The following GRM8 variants were observed in gnomAD, a reference collection of about 807,000 sequenced individuals.
GRM8 encodes glutamate metabotropic receptor 8.
GRM8 carries 47 observed loss-of-function variants against 87.2 expected under a neutral mutation model. The observed-to-expected ratio is 0.54, with a 90% CI of 0.43 to 0.69. The LOEUF is 0.69. Ranked by LOEUF, GRM8 falls within the 30% of genes least tolerant of loss-of-function variation. GRM8 has a pLI of 0.00. For missense variants in GRM8, 1,019 were observed against 1,139.2 expected, an observed-to-expected ratio of 0.89 and a Z score of 1.52; for synonymous variants, 396 against 404.5, an observed-to-expected ratio of 0.98 and a Z score of 0.25.
At chr7:127,090,714 C>T (rs931235952) in intron 3 of GRM8, among the ~76,000 whole-genome samples, 1 of 151,952 alleles carries the variant, frequency 6.6e-6, no homozygotes, top group African/African-American at 2.4e-5. Context: ...CCTCCGGTTG[C>T]GGCACTGGCA....
At chr7:126,597,313 T>C (rs954963645) in intron 8 of GRM8, among the ~76,000 whole-genome samples, 7 of 152,080 alleles carry the variant, frequency 4.6e-5, no homozygotes, top group African/African-American at 1.7e-4. Flanking sequence ...CTATCTACAA[T>C]GGGAGGCTAC....
intron 7 of GRM8, among the ~76,000 whole-genome samples, chr7:126,724,842 A>T (rs545794682): frequency 6.6e-6 from 1 of 152,338 alleles, no homozygotes; most frequent in East Asian, 1.9e-4. Context: ...CAGTACTTTA[A>T]AAAGAAGTGA....
intron 7 of GRM8, among the ~76,000 whole-genome samples, chr7:126,706,480 C>T (rs1017345178): frequency 6.6e-6 from 1 of 152,044 alleles, no homozygotes; most frequent in South Asian, 2.1e-4. Context: ...GAAATCTTTC[C>T]TTGGAGAAGG....
At chr7:126,947,161 G>C (rs1196455251) in intron 3 of GRM8, among the ~76,000 whole-genome samples, 1 of 152,148 alleles carries the variant, frequency 6.6e-6, no homozygotes, top group African/African-American at 2.4e-5. Flanking sequence ...TATTCAAATT[G>C]ATGTAGGAAA....
chr7:127,220,635 C>T (rs2116709883), intron 2 of GRM8, among the ~76,000 whole-genome samples: 1 of 152,134 alleles, frequency 6.6e-6, no homozygotes, highest in African/African-American at 2.4e-5. Context: ...TAGGTGCATG[C>T]CACCATGTCC....
At chr7:126,915,646 C>A (rs1045435708) in intron 3 of GRM8, among the ~76,000 whole-genome samples, 2 of 151,736 alleles carry the variant, frequency 1.3e-5, no homozygotes, top group Non-Finnish European at 2.9e-5. Context: ...GACATGGGTA[C>A]AGGAACTGGG....
At chr7:127,135,471 C>T (rs912853472) in intron 2 of GRM8, among the ~76,000 whole-genome samples, 2 of 151,914 alleles carry the variant, frequency 1.3e-5, no homozygotes, top group African/African-American at 4.8e-5. Context: ...TCTTTCCCCA[C>T]CTTCCCTCCA....
intron 6 of GRM8, among the ~76,000 whole-genome samples, chr7:126,832,114 C>A (rs756343186): frequency 4.0e-5 from 6 of 149,436 alleles, no homozygotes; most frequent in Admixed American, 1.3e-4. Flanking sequence ...GGGACAGAAT[C>A]ATGACTAGAA....
At chr7:127,232,991 C>T (rs911599310) in intron 2 of GRM8, among the ~76,000 whole-genome samples, 5 of 152,026 alleles carry the variant, frequency 3.3e-5, no homozygotes, top group Admixed American at 1.3e-4. Flanking sequence ...GCACATGCCA[C>T]CATGCCCAGC....
chr7:126,589,848 A>C (rs567802235), intron 8 of GRM8, among the ~76,000 whole-genome samples: 39 of 152,282 alleles, frequency 2.6e-4, no homozygotes, highest in Non-Finnish European at 4.9e-4. Flanking sequence ...ACATCAAGGG[A>C]GCACCCCATG....
chr7:126,828,045 C>A (rs1437677762), intron 6 of GRM8, among the ~76,000 whole-genome samples: 1 of 152,190 alleles, frequency 6.6e-6, no homozygotes, highest in Non-Finnish European at 1.5e-5. Context: ...ACCAGCCTTG[C>A]ATCCCAGGGA....
At chr7:126,820,480 T>C (rs978054401) in intron 6 of GRM8, among the ~76,000 whole-genome samples, 2 of 152,218 alleles carry the variant, frequency 1.3e-5, no homozygotes, top group African/African-American at 4.8e-5. Flanking sequence ...CTACCTTTTC[T>C]TAACAACATC....
chr7:127,176,905 T>C (rs577679512), intron 2 of GRM8, among the ~76,000 whole-genome samples: 96 of 152,122 alleles, frequency 6.3e-4, no homozygotes, highest in African/African-American at 2.1e-3. Context: ...CAGGGATCCA[T>C]TGGGAGGGTG....
At chr7:126,990,888 A>T (rs1198212967) in intron 3 of GRM8, among the ~76,000 whole-genome samples, 1 of 152,230 alleles carries the variant, frequency 6.6e-6, no homozygotes, top group Non-Finnish European at 1.5e-5. Flanking sequence ...TTTTTTCTCC[A>T]AATAATTACA....
intron 9 of GRM8, among the ~76,000 whole-genome samples, chr7:126,482,145 G>A (rs942466902): frequency 3.9e-5 from 6 of 151,942 alleles, no homozygotes; most frequent in Admixed American, 6.6e-5. Flanking sequence ...CTATAAAAAC[G>A]GAAAGCACAT....
At chr7:126,759,987 T>C (rs1335413940) in intron 7 of GRM8, among the ~76,000 whole-genome samples, 1 of 152,218 alleles carries the variant, frequency 6.6e-6, no homozygotes, top group Non-Finnish European at 1.5e-5. Flanking sequence ...TTTGTGTTTC[T>C]GATCGCTAGA....
At chr7:126,655,576 C>G (rs1804431317) in intron 7 of GRM8, among the ~76,000 whole-genome samples, 1 of 152,140 alleles carries the variant, frequency 6.6e-6, no homozygotes, top group South Asian at 2.1e-4. Flanking sequence ...GTCTCAACTA[C>G]TGGTCATTCA....
chr7:126,441,679 G>A (rs2283059), intron 10 of GRM8, among the ~76,000 whole-genome samples: 44,697 of 151,780 alleles, frequency 0.29, 6,994 homozygotes, highest in Middle Eastern at 0.41. Context: ...GTTCCTCCTC[G>A]GAAATAACTG....
At chr7:126,961,098 T>C (rs1457541777) in intron 3 of GRM8, among the ~76,000 whole-genome samples, 3 of 152,226 alleles carry the variant, frequency 2.0e-5, no homozygotes, top group Admixed American at 6.5e-5. Context: ...ACAAAGTGTA[T>C]AGCTCTCAAA....
Sources: allele counts gnomAD v4.1 joint callset (sites outside exome capture counted in the v4.1 genomes callset), GRCh38; gene constraint gnomAD v4.1.1; transcripts MANE v1.5; gene names NCBI Gene and HGNC (gene_info 2026-07-23, HGNC 2026-07-21).